The following TBC1D19 variants were observed in gnomAD, a reference collection of about 807,000 sequenced individuals.
The protein encoded by TBC1D19 is TBC1 domain family member 19.
TBC1D19 carries 60 observed loss-of-function variants against 89.0 expected under a neutral mutation model. The observed-to-expected ratio is 0.67, with a 90% CI of 0.55 to 0.84. TBC1D19 has a LOEUF of 0.84. Among genes scored for constraint, TBC1D19 ranks in the 40% least tolerant of loss-of-function variants. The probability of loss-of-function intolerance (pLI) is 0.00; values close to 1 mark genes in which losing one functional copy is unlikely to be tolerated. For missense variants in TBC1D19, 500 were observed against 610.8 expected, an observed-to-expected ratio of 0.82 and a Z score of 1.91; for synonymous variants, 189 against 199.7, an observed-to-expected ratio of 0.95 and a Z score of 0.45.
chr4:26,761,172 C>T (rs1719446004), downstream of TBC1D19, among the ~76,000 whole-genome samples: 1 of 152,150 alleles, frequency 6.6e-6, no homozygotes, highest in Non-Finnish European at 1.5e-5. Flanking sequence ...TATGTTAAAA[C>T]TATTTGGCCA....
chr4:26,802,006 A>AGT, the TBC1D19 span, among the ~76,000 whole-genome samples: 35 of 152,320 alleles, frequency 2.3e-4, no homozygotes, highest in African/African-American at 8.4e-4. Flanking sequence ...GTATTAATGC[A>AGT]GTCTTTTTGG....
intron 1 of TBC1D19, 115 bp downstream of exon 1, chr4:26,584,407 T>A: frequency 3.2e-6 from 3 of 949,204 alleles, no homozygotes; most frequent in Non-Finnish European, 4.8e-6. Flanking sequence ...TCCGCTCTGG[T>A]GCTCAAAAAA....
rs1436051291 is a variant in TBC1D19, at chr4:26,735,480, A to C, written c.1110A>C (p.Ser370=). 1 of 1,564,084 alleles carries C rather than the reference A, an allele frequency of 6.4e-7. No homozygotes were observed. The highest frequency in any genetic ancestry group is 2.3e-5 in the East Asian group (1 of 43,708). ...GTGTTATCCCTTTTCATGGATTTTC[A>C]ATGTATGGTAAGTTGGGCTTTAAAA... is the stretch of plus-strand genomic sequence containing the variant. The part of the protein sequence containing the change: ...PNGVIPFHGF[S]MYVAPLCFLY... The change falls in exon 16 of 21, where the codon TCA becomes TCC. Residue 370 remains serine (S), a synonymous_variant. Transcript: ENST00000264866.
chr4:26,654,743 T>C (rs1257407369), intron 7 of TBC1D19, among the ~76,000 whole-genome samples: 1 of 152,220 alleles, frequency 6.6e-6, no homozygotes, highest in Non-Finnish European at 1.5e-5. Flanking sequence ...CTTTAAGGAC[T>C]TCTCTGCATT....
At chr4:26,728,984 C>T (rs1717494157) in intron 15 of TBC1D19, among the ~76,000 whole-genome samples, 1 of 152,216 alleles carries the variant, frequency 6.6e-6, no homozygotes, top group Non-Finnish European at 1.5e-5. Context: ...CACTGCACTT[C>T]AGCCTCGGCG....
At chr4:26,770,267 G>T in the TBC1D19 span, among the ~76,000 whole-genome samples, 1 of 152,192 alleles carries the variant, frequency 6.6e-6, no homozygotes, top group East Asian at 1.9e-4. Flanking sequence ...GGTGAGAAAA[G>T]ATCATGCTAC....
the TBC1D19 span, among the ~76,000 whole-genome samples, chr4:26,771,097 T>C: frequency 1.3e-5 from 2 of 151,800 alleles, no homozygotes; most frequent in Non-Finnish European, 2.9e-5. Context: ...GAAAAGACAC[T>C]CAATATCACT....
the TBC1D19 span, among the ~76,000 whole-genome samples, chr4:26,788,973 T>G: frequency 0.048 from 7,276 of 152,122 alleles, 501 homozygotes; most frequent in African/African-American, 0.16. Context: ...CACCCTGGAG[T>G]TGCTGGAAGT....
the TBC1D19 span, among the ~76,000 whole-genome samples, chr4:26,769,435 AG>A: frequency 6.6e-6 from 1 of 152,218 alleles, no homozygotes. Flanking sequence ...AAAAATAAAC[AG>A]TGTAAAGCAA....
chr4:26,790,955 C>T, the TBC1D19 span, among the ~76,000 whole-genome samples: 2 of 152,050 alleles, frequency 1.3e-5, no homozygotes, highest in Admixed American at 1.3e-4. Flanking sequence ...CTGAGTCTGC[C>T]TGTGGGGTAG....
Position 26,721,686 on chromosome 4 carries a change from C to T in TBC1D19, c.1084+1561C>T, listed in dbSNP as rs568656442. On this transcript the variant is annotated intron_variant, in intron 15 of 20. Transcript: ENST00000264866. Reference sequence around the variant, plus strand: ...AACAAGTGATATTCAAGCTTCTCAGCATGACATATGAGGACCTCTTGAGTC... The same window carrying T: ...AACAAGTGATATTCAAGCTTCTCAGTATGACATATGAGGACCTCTTGAGTC... Among the ~76,000 whole-genome samples the T allele has an allele frequency of 1.6e-4, 24 of 152,288 alleles. No individual in the cohort carries two copies. The South Asian group carries it at 4.8e-3, about 30-fold the overall frequency.
chr4:26,597,035 A>T (rs1740267085), intron 1 of TBC1D19, among the ~76,000 whole-genome samples: 1 of 152,216 alleles, frequency 6.6e-6, no homozygotes. Context: ...AAGAATGTTT[A>T]TATTGCCATT....
At chr4:26,803,937 A>G in the TBC1D19 span, among the ~76,000 whole-genome samples, 1 of 151,236 alleles carries the variant, frequency 6.6e-6, no homozygotes, top group Admixed American at 6.6e-5. Context: ...GGGGGCATGG[A>G]GGTAGGAAAG....
the TBC1D19 span, among the ~76,000 whole-genome samples, chr4:26,808,067 C>T: frequency 6.6e-6 from 1 of 152,202 alleles, no homozygotes; most frequent in Non-Finnish European, 1.5e-5. Context: ...GACTGCAAAG[C>T]TGAAGGGTAC....
At chr4:26,726,230 G>A (rs759520554) in intron 15 of TBC1D19, among the ~76,000 whole-genome samples, 66 of 151,916 alleles carry the variant, frequency 4.3e-4, no homozygotes, top group Non-Finnish European at 8.2e-4. Context: ...TCAGCCAGGG[G>A]AGAGGGATGC....
At chr4:26,779,225 A>C in the TBC1D19 span, among the ~76,000 whole-genome samples, 6 of 152,216 alleles carry the variant, frequency 3.9e-5, no homozygotes, top group Admixed American at 6.5e-5. Flanking sequence ...CTCCTTCAAC[A>C]ATGTCAATAA....
chr4:26,717,055 C>T lies in TBC1D19; in HGVS notation c.955-878C>T, dbSNP rs114293784. 4.0e-3 allele frequency among the ~76,000 whole-genome samples: 614 copies of T among 152,196 alleles called. 2 individuals are homozygous for T. Among genetic ancestry groups the T allele is most frequent in the African/African-American group, 0.014 (588 of 41,542 alleles). ...GGTTGATATGCATTCCACCAGTGAA[C>T]CTGACTGATTCCCAATCTCCATTAC... On this transcript the variant is annotated intron_variant, in intron 13 of 20. Coordinates refer to ENST00000264866, the MANE Select transcript of TBC1D19 (RefSeq NM_018317.4).
At position 26,620,688 on chromosome 4, in the gene TBC1D19, G is replaced by A. The variant is rs1318754509; in HGVS notation, c.294G>A (p.Gln98=). The change falls in exon 4 of 21, where the codon CAG becomes CAA. Residue 98 remains glutamine, a splice_region_variant and synonymous_variant. Transcript: ENST00000264866. ...CTTTGGTATACATGAGGAAAGCACAGGTTGGCTATTGTTCAATTTCATTTT... is the reference window on the plus strand; with the variant it reads ...CTTTGGTATACATGAGGAAAGCACAAGTTGGCTATTGTTCAATTTCATTTT... ...KEPLVYMRKA[Q]GSWEKRILKS... 1.9e-6 allele frequency: 3 copies of A among 1,612,828 alleles called. No homozygotes were observed. Among genetic ancestry groups the A allele is most frequent in the Non-Finnish European group, 2.5e-6 (3 of 1,179,502 alleles).
chr4:26,586,925 C>T lies in TBC1D19; in HGVS notation c.99+2633C>T, dbSNP rs182407924. Among the ~76,000 whole-genome samples, 166 of 152,152 alleles carry T rather than the reference C, an allele frequency of 1.1e-3. 1 individual carries two copies. Among genetic ancestry groups the T allele is most frequent in the Non-Finnish European group, 3.1e-4 (21 of 68,000 alleles). On this transcript the variant is annotated intron_variant, in intron 1 of 20. Coordinates refer to ENST00000264866, the MANE Select transcript of TBC1D19 (RefSeq NM_018317.4). ...CAGTTTTACTTCTTCCTTTCCAATC[C>T]GTGTGCCTTTTATTTCTTTTTCTTG...
Sources: gnomAD v4.1 joint callset for allele counts (sites outside exome capture counted in the v4.1 genomes callset) on GRCh38, gnomAD v4.1.1 for gene constraint, MANE v1.5 for transcripts, NCBI Gene and HGNC (gene_info 2026-07-23, HGNC 2026-07-21) for gene names.